Variants in OTOGL observed in about 807,000 individuals in gnomAD.
OTOGL encodes the protein otogelin like, also known as otogelin-like protein.
In OTOGL, 285 loss-of-function variants were observed where a neutral mutation model predicts 318.5. The observed-to-expected ratio is 0.89, with a 90% CI of 0.81 to 0.99. The LOEUF is 0.99. Among genes scored for constraint, OTOGL ranks in the 50% least tolerant of loss-of-function variants. The probability of loss-of-function intolerance (pLI) is 0.00; values close to 1 mark genes in which losing one functional copy is unlikely to be tolerated. For missense variants in OTOGL, 2,899 were observed against 2,845.6 expected, an observed-to-expected ratio of 1.02 and a Z score of -0.43; for synonymous variants, 987 against 936.5, an observed-to-expected ratio of 1.05 and a Z score of -0.99.
rs1869263696 is a variant in OTOGL at position 80,103,416 on chromosome 12, C to G, written c.-20+3811C>G. ...TCCTTTTGACTGTGGCATCTTCTCACTTGCTGTCCCTATGCCAGAATGTTG... is the reference window on the plus strand; with the variant it reads ...TCCTTTTGACTGTGGCATCTTCTCAGTTGCTGTCCCTATGCCAGAATGTTG... On this transcript the variant is annotated intron_variant, in intron 1 of 58. Transcript: ENST00000547103. 3 of 675,878 alleles carry G rather than the reference C, an allele frequency of 4.4e-6. No homozygotes were observed. In the South Asian group the frequency reaches 5.5e-5, roughly 12 times the overall value. The allele number at this position is 675,878 out of a possible 1,614,324, so 41.9% of individuals were successfully genotyped here.
chr12:80,365,347 C>A (rs1890465372), intron 52 of OTOGL, among the ~76,000 whole-genome samples: 1 of 151,836 alleles, frequency 6.6e-6, no homozygotes, highest in African/African-American at 2.4e-5. Flanking sequence ...ATTGGTAGAG[C>A]AATTAAAGAG....
At chr12:80,176,120 T>C (rs1874507612) in intron 1 of OTOGL, among the ~76,000 whole-genome samples, 2 of 152,202 alleles carry the variant, frequency 1.3e-5, no homozygotes, top group African/African-American at 4.8e-5. Flanking sequence ...GTATTCATCT[T>C]CTAATAGGAA....
chr12:80,111,271 C>G (rs1434569399), intron 1 of OTOGL, among the ~76,000 whole-genome samples: 1 of 152,140 alleles, frequency 6.6e-6, no homozygotes, highest in African/African-American at 2.4e-5. Flanking sequence ...ATTTGTCAAT[C>G]TTGGCTCTTG....
chr12:80,220,818 A>C (rs73356995), intron 6 of OTOGL, among the ~76,000 whole-genome samples: 1 of 152,030 alleles, frequency 6.6e-6, no homozygotes, highest in Non-Finnish European at 1.5e-5. Flanking sequence ...AATACACAAC[A>C]GATACACAAT....
At chr12:80,178,292 C>T (rs1281424731) in intron 1 of OTOGL, among the ~76,000 whole-genome samples, 3 of 151,988 alleles carry the variant, frequency 2.0e-5, no homozygotes, top group East Asian at 1.9e-4. Flanking sequence ...AACTCCTGAC[C>T]TCAAGTGATC....
intron 29 of OTOGL, among the ~76,000 whole-genome samples, chr12:80,306,304 T>A (rs2137755418): frequency 6.6e-6 from 1 of 152,340 alleles, no homozygotes; most frequent in East Asian, 1.9e-4. Context: ...ACATAATATA[T>A]ATTTTTATTT....
rs200136594 is a variant in OTOGL, at chr12:80,265,089, A to G, written c.2103A>G (p.Leu701=). The G allele has an allele frequency of 2.5e-6, 4 of 1,613,780 alleles. No homozygotes were observed. Among genetic ancestry groups the G allele is most frequent in the Non-Finnish European group, 3.4e-6 (4 of 1,179,866 alleles). ...TTAGCCCTGGGCTGTACTATCAGCTATGCCGCCACGATGCATGCAAGTGTG... is the reference window on the plus strand; with the variant it reads ...TTAGCCCTGGGCTGTACTATCAGCTGTGCCGCCACGATGCATGCAAGTGTG... The part of the protein sequence containing the change: ...IYISPGLYYQ[L]CRHDACKCGS... The change falls in exon 20 of 59, where the codon CTA becomes CTG. Residue 701 remains leucine, a synonymous_variant. Coordinates refer to ENST00000547103, the MANE Select transcript of OTOGL (RefSeq NM_001378609.3).
At chr12:80,362,457 A>G (rs537395806) in intron 52 of OTOGL, among the ~76,000 whole-genome samples, 73 of 152,198 alleles carry the variant, frequency 4.8e-4, no homozygotes, top group African/African-American at 1.6e-3. Context: ...TGCTTTGGCT[A>G]TTTGGTGTCT....
intron 1 of OTOGL, among the ~76,000 whole-genome samples, chr12:80,127,339 T>G (rs907765025): frequency 1.5e-4 from 23 of 152,090 alleles, no homozygotes; most frequent in African/African-American, 5.3e-4. Context: ...GGGTTGCAAA[T>G]TCTTTTCTTT....
rs373665405 is a variant in OTOGL, at chr12:80,320,645, A to G, written c.4026A>G (p.Ala1342=). The part of the protein sequence containing the change: ...FIIFTDSSVK[A]SKYDDSEEFK... ...TATTCACAGATTCTAGTGTCAAAGC[A>G]TCAAAATATGATGATTCTGAAGAAT... Residue 1342 remains alanine, a synonymous_variant, in exon 34 of 59, where the codon GCA becomes GCG. Transcript: ENST00000547103. 8 of 1,609,198 alleles carry G rather than the reference A, an allele frequency of 5.0e-6. No individual in the cohort carries two copies. Among genetic ancestry groups the G allele is most frequent in the Non-Finnish European group, 6.8e-6 (8 of 1,177,388 alleles).
intron 4 of OTOGL, among the ~76,000 whole-genome samples, chr12:80,213,933 A>G (rs1280929212): frequency 6.6e-6 from 1 of 152,208 alleles, no homozygotes; most frequent in Non-Finnish European, 1.5e-5. Flanking sequence ...AAGTGCGCAA[A>G]TAAGGACTCA....
At chr12:80,260,360 A>G (rs1592622760) in intron 18 of OTOGL, among the ~76,000 whole-genome samples, 1 of 152,260 alleles carries the variant, frequency 6.6e-6, no homozygotes, top group Non-Finnish European at 1.5e-5. Flanking sequence ...GATGTTCAGA[A>G]AAGACATTAA....
intron 1 of OTOGL, among the ~76,000 whole-genome samples, chr12:80,134,040 G>A (rs1299878711): frequency 6.6e-6 from 1 of 151,906 alleles, no homozygotes; most frequent in Non-Finnish European, 1.5e-5. Context: ...TTGTTAAATA[G>A]CATTATTCCA....
intron 44 of OTOGL, among the ~76,000 whole-genome samples, chr12:80,344,104 T>C (rs1176041460): frequency 6.6e-6 from 1 of 152,218 alleles, no homozygotes; most frequent in African/African-American, 2.4e-5. Context: ...ACTTCAGTTT[T>C]ACATGGAGAT....
intron 26 of OTOGL, among the ~76,000 whole-genome samples, chr12:80,294,833 T>G (rs866665999): frequency 2.0e-5 from 3 of 152,174 alleles, no homozygotes; most frequent in Non-Finnish European, 2.9e-5. Context: ...ACACCTCTAA[T>G]CCCAGCACTT....
intron 44 of OTOGL, among the ~76,000 whole-genome samples, chr12:80,351,071 A>AT (rs1889513988): frequency 6.6e-6 from 1 of 152,060 alleles, no homozygotes; most frequent in Admixed American, 6.6e-5. Flanking sequence ...TTTTGAGTTG[A>AT]TTTTTTGTAT....
chr12:80,279,775 G>A (rs764426200), intron 26 of OTOGL, among the ~76,000 whole-genome samples: 44 of 151,760 alleles, frequency 2.9e-4, no homozygotes, highest in Admixed American at 1.3e-4. Context: ...CTTTACGGTA[G>A]AATGATTTAT....
rs1879500412 is a variant in OTOGL, at chr12:80,232,963, C to A, written c.683C>A (p.Thr228Asn). The change falls in exon 9 of 59, where the codon ACC becomes AAC. Residue 228 changes from threonine to asparagine, a missense_variant. Physicochemically the swap from Thr to Asn is moderately conservative, Grantham distance 65. Transcript: ENST00000547103. ...KLADYILVKT[T>N]FGFSLAWDGI... ...GCTGACTACATTCTTGTGAAAACAA[C>A]CTTTGGCTTTTCATTGGCTTGGGAC... The A allele has an allele frequency of 5.0e-6, 8 of 1,599,140 alleles. No individual in the cohort carries two copies. The highest frequency in any genetic ancestry group is 5.9e-6 in the Non-Finnish European group (7 of 1,179,500).
rs145653077 is a variant in OTOGL, at chr12:80,355,852, G to A, written c.5710G>A (p.Asp1904Asn). ...TGGAAGCATTATCCCTATAGAACCTGACTGTGATGAAGAGCCCACGCCAGT... is the reference window on the plus strand; with the variant it reads ...TGGAAGCATTATCCCTATAGAACCTAACTGTGATGAAGAGCCCACGCCAGT... ...ENGSIIPIEP[D>N]CDEEPTPVCE... The change falls in exon 47 of 59, where the codon GAC becomes AAC. Residue 1904 changes from aspartate to asparagine, a missense_variant. Physicochemically the swap from Asp to Asn is conservative, Grantham distance 23. Coordinates refer to ENST00000547103, the MANE Select transcript of OTOGL (RefSeq NM_001378609.3). 5,625 of 1,613,898 alleles carry A rather than the reference G, an allele frequency of 3.5e-3. 64 individuals are homozygous for A. Among genetic ancestry groups the A allele is most frequent in the Admixed American group, 2.8e-3 (167 of 60,014 alleles).
Sources: gnomAD v4.1 joint callset for allele counts (sites outside exome capture counted in the v4.1 genomes callset) on GRCh38, gnomAD v4.1.1 for gene constraint, MANE v1.5 for transcripts, NCBI Gene and HGNC (gene_info 2026-07-23, HGNC 2026-07-21) for gene names.